CSE1L: variants seen among roughly 807,000 people sequenced by gnomAD.
CSE1L encodes the protein exportin-2.
CSE1L carries 24 observed loss-of-function variants against 120.4 expected under a neutral mutation model. That is an observed-to-expected ratio of 0.20 (90% CI 0.14 to 0.28). The LOEUF (loss-of-function observed/expected upper bound fraction) is 0.28, where lower values mean the gene tolerates loss of function less well. CSE1L is among the 10% of genes least tolerant of loss of function. CSE1L has a pLI of 1.00. For synonymous variants in CSE1L, 402 were observed against 398.3 expected (o/e 1.01, Z -0.11); for missense variants, 830 against 1,145.2 (o/e 0.72, Z 3.97).
At chr20:49,082,511 CTTGT>C (rs1190993038) in intron 14 of CSE1L, among the ~76,000 whole-genome samples, 1 of 151,870 alleles carries the variant, frequency 6.6e-6, no homozygotes, top group Admixed American at 6.6e-5. Flanking sequence ...TTTTTTGTTA[CTTGT>C]TTGTTTTGAG....
intron 17 of CSE1L, 86 bp from the exon 18 acceptor site, chr20:49,089,161 A>T: frequency 8.6e-7 from 1 of 1,157,384 alleles, no homozygotes; most frequent in South Asian, 2.0e-5. Flanking sequence ...ATTTTTAAAA[A>T]ATAAGATGGC....
intron 10 of CSE1L, 130 bp from the exon 11 acceptor site, chr20:49,074,655 A>G (rs1456020666): frequency 3.0e-5 from 18 of 601,122 alleles, no homozygotes; most frequent in Non-Finnish European, 4.6e-5. Flanking sequence ...GAGTATATGA[A>G]GTAGTCATCT....
intron 8 of CSE1L, among the ~76,000 whole-genome samples, chr20:49,070,703 G>C (rs2091925576): frequency 5.5e-5 from 1 of 18,160 alleles, no homozygotes; most frequent in South Asian, 1.5e-3. Flanking sequence ...GGCCAAGGTG[G>C]GGAGGATCCC....
chr20:49,087,121 A>G (rs1352812203), intron 16 of CSE1L, among the ~76,000 whole-genome samples: 1 of 151,794 alleles, frequency 6.6e-6, no homozygotes, highest in East Asian at 1.9e-4. Flanking sequence ...TGACAAATTT[A>G]TTTTTCTCCC....
chr20:49,052,108 T>A (rs2091770374), intron 1 of CSE1L, among the ~76,000 whole-genome samples: 1 of 152,192 alleles, frequency 6.6e-6, no homozygotes, highest in African/African-American at 2.4e-5. Context: ...AGTTCCCACA[T>A]TATGTTGGGG....
At chr20:49,090,674 T>C (rs1180213412) in intron 19 of CSE1L, 68 bp from the exon 20 acceptor site, 22 of 1,147,228 alleles carry the variant, frequency 1.9e-5, no homozygotes, top group Non-Finnish European at 2.5e-5. Flanking sequence ...TTAAGACATA[T>C]ATCATGTTTA....
Position 49,089,226 on chromosome 20 carries a change from GTT to G in CSE1L, c.1822-10_1822-9del, listed in dbSNP as rs3092348. On this transcript the variant is annotated intron_variant, in intron 17 of 24. Coordinates refer to ENST00000262982, the MANE Select transcript of CSE1L (RefSeq NM_001316.4). ...AGGTGTGGATTATTAGCATAATTAGGTTTTTTTTTTTTAATTTCAGAACCCAA... is the reference window on the plus strand; with the variant it reads ...AGGTGTGGATTATTAGCATAATTAGGTTTTTTTTTTAATTTCAGAACCCAA... The G allele has an allele frequency of 0.33, 438,469 of 1,317,524 alleles. 61,260 individuals are homozygous for G. Among genetic ancestry groups the G allele is most frequent in the African/African-American group, 0.53 (36,035 of 68,192 alleles). The allele number at this position is 1,317,524 out of a possible 1,614,324, so 81.6% of individuals were successfully genotyped here.
At position 49,096,392 on chromosome 20, in the gene CSE1L, A is replaced by G; in HGVS notation, c.2870A>G (p.Gln957Arg). ...ACCAGCCTGAATGCAGAAGCGCTCC[A>G]GTATCTCCAAGGGTACCTTCAGGCA... ...VSTSLNAEAL[Q>R]YLQGYLQAAS... The change falls in exon 25 of 25, where the codon CAG becomes CGG. Residue 957 changes from glutamine to arginine, a missense_variant. Gln to Arg is a conservative substitution (Grantham distance 43). Transcript: ENST00000262982. 2.5e-6 allele frequency: 4 copies of G among 1,614,186 alleles called. No homozygotes were observed. The highest frequency in any genetic ancestry group is 2.5e-6 in the Non-Finnish European group (3 of 1,180,018).
At chr20:49,048,879 C>G (rs1402463965) in intron 1 of CSE1L, among the ~76,000 whole-genome samples, 2 of 152,088 alleles carry the variant, frequency 1.3e-5, no homozygotes, top group Middle Eastern at 3.2e-3. Context: ...TGTAAGGCCT[C>G]GGGAATGGTT....
At chr20:49,064,299 C>G (rs975597408) in intron 3 of CSE1L, among the ~76,000 whole-genome samples, 2 of 152,172 alleles carry the variant, frequency 1.3e-5, no homozygotes, top group African/African-American at 4.8e-5. Context: ...TCTAAAAAGT[C>G]AACTTTAAAC....
chr20:49,088,461 T>A (rs1026528064), intron 17 of CSE1L, among the ~76,000 whole-genome samples: 1 of 152,250 alleles, frequency 6.6e-6, no homozygotes, highest in African/African-American at 2.4e-5. Context: ...GAAATGATGA[T>A]TAAAATCCTT....
chr20:49,082,465 T>C (rs1330856943), intron 14 of CSE1L, among the ~76,000 whole-genome samples: 1 of 152,126 alleles, frequency 6.6e-6, no homozygotes, highest in East Asian at 1.9e-4. Context: ...TTTTTGTTTG[T>C]ATAAATGACA....
intron 5 of CSE1L, 48 bp from the exon 6 acceptor site, chr20:49,067,142 T>A: frequency 8.1e-7 from 1 of 1,241,838 alleles, no homozygotes; most frequent in Non-Finnish European, 1.2e-6. Flanking sequence ...CTAAAGTGAG[T>A]AAATAAAAAA....
intron 2 of CSE1L, among the ~76,000 whole-genome samples, chr20:49,061,160 AT>A (rs1168668006): frequency 2.0e-5 from 3 of 147,680 alleles, no homozygotes; most frequent in Non-Finnish European, 1.5e-5. Context: ...TGCCAACACT[AT>A]TAAAAATTTT....
In CSE1L at chr20:49,096,502, A is replaced by G; in HGVS notation, c.*64A>G. 2 of 1,201,628 alleles carry G rather than the reference A, an allele frequency of 1.7e-6. No homozygotes were observed. The highest frequency in any genetic ancestry group is 1.2e-5 in the South Asian group (1 of 81,758). 74.4% of individuals were successfully genotyped at this position (1,201,628 alleles called of 1,614,324 possible). On this transcript the variant is annotated 3_prime_UTR_variant, in exon 25 of 25. Coordinates refer to ENST00000262982, the MANE Select transcript of CSE1L (RefSeq NM_001316.4). ...TAGGAAATCACAGGCTTCTGAGCAC[A>G]GCTGCATTAAAACAAAGGAAGTTCT...
At chr20:49,088,504 C>G (rs2092077095) in intron 17 of CSE1L, among the ~76,000 whole-genome samples, 1 of 152,126 alleles carries the variant, frequency 6.6e-6, no homozygotes, top group African/African-American at 2.4e-5. Context: ...TCTTATTTCT[C>G]AAAAGGAAAG....
intron 16 of CSE1L, among the ~76,000 whole-genome samples, chr20:49,086,359 C>CTTTTTTTTTTTTTT (rs10648977): frequency 2.6e-5 from 2 of 77,644 alleles, no homozygotes; most frequent in Non-Finnish European, 4.5e-5. Context: ...GTTTAATGTC[C>CTTTTTTTTTTTTTT]TTTTTTTTTT....
At chr20:49,070,442 G>A (rs774199283) in intron 8 of CSE1L, 145 bp downstream of exon 8, 1 of 542,272 alleles carries the variant, frequency 1.8e-6, no homozygotes, top group Non-Finnish European at 3.2e-6. Context: ...GATGTTACAT[G>A]TTTGGTGTGT....
intron 1 of CSE1L, among the ~76,000 whole-genome samples, chr20:49,055,732 A>T (rs562119119): frequency 3.2e-4 from 49 of 152,196 alleles, no homozygotes; most frequent in Non-Finnish European, 5.6e-4. Flanking sequence ...AAATAATAAA[A>T]TTTTTTAAAT....
Sources: allele counts gnomAD v4.1 joint callset (sites outside exome capture counted in the v4.1 genomes callset), GRCh38; gene constraint gnomAD v4.1.1; transcripts MANE v1.5; gene names NCBI Gene and HGNC (gene_info 2026-07-23, HGNC 2026-07-21).